OSBPL10: variants seen among roughly 807,000 people sequenced by gnomAD.
The protein encoded by OSBPL10 is oxysterol binding protein like 10.
In OSBPL10, 49 loss-of-function variants were observed where a neutral mutation model predicts 81.7. The observed-to-expected ratio is 0.60, with a 90% CI of 0.48 to 0.76. The LOEUF (loss-of-function observed/expected upper bound fraction) is 0.76, where lower values mean the gene tolerates loss of function less well. Among genes scored for constraint, OSBPL10 ranks in the 30% least tolerant of loss-of-function variants. The probability of loss-of-function intolerance (pLI) is 0.00; values close to 1 mark genes in which losing one functional copy is unlikely to be tolerated. For missense variants in OSBPL10, 923 were observed against 987.8 expected, an observed-to-expected ratio of 0.93 and a Z score of 0.88; for synonymous variants, 419 against 383.6, an observed-to-expected ratio of 1.09 and a Z score of -1.08.
chr3:31,743,361 T>C (rs1697417783), intron 5 of OSBPL10, among the ~76,000 whole-genome samples: 1 of 152,112 alleles, frequency 6.6e-6, no homozygotes, highest in Non-Finnish European at 1.5e-5. Context: ...TAATTTTAAT[T>C]ACATACCTCT....
chr3:31,709,466 A>T (rs1372282878), intron 6 of OSBPL10: 1 of 152,212 alleles, frequency 6.6e-6, no homozygotes, highest in Non-Finnish European at 1.5e-5. Flanking sequence ...GAGAGGATTC[A>T]ACAGGCGTTC....
chr3:31,692,127 G>A (rs1695576048), intron 7 of OSBPL10, among the ~76,000 whole-genome samples: 1 of 152,142 alleles, frequency 6.6e-6, no homozygotes, highest in African/African-American at 2.4e-5. Flanking sequence ...ATCTGTTGAA[G>A]TTAATCCCTG....
At chr3:31,883,243 CTTTT>C (rs34333418) in intron 1 of OSBPL10, among the ~76,000 whole-genome samples, 1 of 144,578 alleles carries the variant, frequency 6.9e-6, no homozygotes, top group Admixed American at 6.8e-5. Flanking sequence ...GCATGCCACT[CTTTT>C]TTTTTTTTTT....
chr3:31,750,233 A>T (rs1253734394), intron 4 of OSBPL10, among the ~76,000 whole-genome samples: 3 of 152,202 alleles, frequency 2.0e-5, no homozygotes, highest in Non-Finnish European at 1.5e-5. Flanking sequence ...AGGCACACCT[A>T]TCTTCCTTAC....
intron 4 of OSBPL10, among the ~76,000 whole-genome samples, chr3:31,815,938 T>C (rs1314623534): frequency 6.6e-6 from 1 of 152,224 alleles, no homozygotes; most frequent in Non-Finnish European, 1.5e-5. Context: ...CAGAACAGCC[T>C]TTCATGTCAC....
intron 6 of OSBPL10, among the ~76,000 whole-genome samples, chr3:31,706,398 C>T (rs932640346): frequency 3.3e-5 from 5 of 152,102 alleles, no homozygotes; most frequent in African/African-American, 1.2e-4. Context: ...GGTCTCTGCC[C>T]CTTCGCTGAC....
chr3:31,857,037 C>T (rs904610389), intron 3 of OSBPL10, among the ~76,000 whole-genome samples: 5 of 152,210 alleles, frequency 3.3e-5, no homozygotes, highest in African/African-American at 1.2e-4. Flanking sequence ...GCCTGGGCAA[C>T]AGAGTGAGAC....
chr3:31,937,481 T>G (rs923504180), intron 1 of OSBPL10, among the ~76,000 whole-genome samples: 11 of 152,054 alleles, frequency 7.2e-5, no homozygotes, highest in African/African-American at 2.7e-4. Context: ...ACTTCTCAAA[T>G]TGCTTCCAAA....
chr3:32,030,745 G>A (rs568023314), intron 2 of OSBPL10: 4 of 656,088 alleles, frequency 6.1e-6, no homozygotes, highest in Non-Finnish European at 1.1e-5. Flanking sequence ...AAATTACTAA[G>A]CAAAACCCTT....
At chr3:31,807,801 T>C (rs1699560780) in intron 4 of OSBPL10, among the ~76,000 whole-genome samples, 1 of 151,984 alleles carries the variant, frequency 6.6e-6, no homozygotes, top group Non-Finnish European at 1.5e-5. Flanking sequence ...ACAATGAAGG[T>C]AGAGGTAACA....
At chr3:32,051,369 CATT>C in intron 1 of OSBPL10, among the ~76,000 whole-genome samples, 1 of 152,246 alleles carries the variant, frequency 6.6e-6, no homozygotes, top group Non-Finnish European at 1.5e-5. Flanking sequence ...CAGAAATTCT[CATT>C]ATGAGAAAGC....
At chr3:31,864,097 G>A (rs528437435) in intron 3 of OSBPL10, among the ~76,000 whole-genome samples, 19 of 152,286 alleles carry the variant, frequency 1.2e-4, no homozygotes, top group African/African-American at 3.4e-4. Context: ...CCAGGCCTCC[G>A]AGGACACACG....
rs765309539 is a variant in OSBPL10 at position 31,668,789 on chromosome 3, G to A, written c.1949C>T (p.Thr650Ile). 2.5e-6 allele frequency: 4 copies of A among 1,613,292 alleles called. No homozygotes were observed. The highest frequency in any genetic ancestry group is 2.2e-5 in the East Asian group (1 of 44,886). Residue 650 changes from threonine (T) to isoleucine (I), a missense_variant, in exon 10 of 12, where the codon ACC (threonine) becomes ATC (isoleucine). By Grantham distance (89) the Thr-to-Ile change is moderately conservative (BLOSUM62 -1). Transcript: ENST00000396556. ...TTCCCCATGGGCTTTACAAACAATG[G>A]TGTTGGTTGGGTTGTGCTTCACTTC... ...TAEVKHNPTNTIVCKAHGEWN... is the reference protein window; with the variant it reads ...TAEVKHNPTNIIVCKAHGEWN...
intron 1 of OSBPL10, among the ~76,000 whole-genome samples, chr3:31,893,877 G>T: frequency 6.6e-6 from 1 of 152,264 alleles, no homozygotes; most frequent in East Asian, 1.9e-4. Context: ...TGCTTACAGG[G>T]ATTATTTTAT....
intron 4 of OSBPL10, among the ~76,000 whole-genome samples, chr3:31,800,579 T>C (rs757108269): frequency 1.3e-5 from 2 of 152,108 alleles, no homozygotes; most frequent in Non-Finnish European, 2.9e-5. Flanking sequence ...AACCACACTC[T>C]CTCACTGAAA....
intron 11 of OSBPL10, chr3:31,663,334 C>T: frequency 1.0e-6 from 1 of 985,562 alleles, no homozygotes; most frequent in Non-Finnish European, 1.2e-6. Context: ...GTGGCATCTG[C>T]CCCAGCCCTC....
intron 2 of OSBPL10, among the ~76,000 whole-genome samples, chr3:32,013,357 C>T (rs1480821270): frequency 2.0e-5 from 3 of 152,012 alleles, no homozygotes; most frequent in Non-Finnish European, 4.4e-5. Context: ...GCATACATAA[C>T]GAAATGAAGG....
intron 3 of OSBPL10, among the ~76,000 whole-genome samples, chr3:31,839,967 T>C (rs1700453386): frequency 6.7e-6 from 1 of 150,372 alleles, no homozygotes; most frequent in South Asian, 2.2e-4. Flanking sequence ...ACAATTTACT[T>C]AGGTCTACAT....
At chr3:31,824,889 G>A (rs777374503) in intron 4 of OSBPL10, among the ~76,000 whole-genome samples, 6 of 152,144 alleles carry the variant, frequency 3.9e-5, no homozygotes, top group Non-Finnish European at 7.4e-5. Flanking sequence ...ACGCTCAACT[G>A]TTTCCTAGTG....
Sources: gnomAD v4.1 joint callset for allele counts (sites outside exome capture counted in the v4.1 genomes callset) on GRCh38, gnomAD v4.1.1 for gene constraint, MANE v1.5 for transcripts, NCBI Gene and HGNC (gene_info 2026-07-23, HGNC 2026-07-21) for gene names.